The following NOL12 variants were observed in gnomAD, a reference collection of about 807,000 sequenced individuals.
NOL12 encodes nucleolar protein 12.
Under a neutral mutation model 25.2 loss-of-function variants are expected in NOL12, and 21 were observed. The observed-to-expected ratio is 0.83, with a 90% CI of 0.59 to 1.20. The LOEUF is 1.20. Ranked by LOEUF, NOL12 falls within the 50% of genes most tolerant of loss-of-function variation. The pLI is 0.00. For synonymous variants in NOL12, 133 were observed against 113.8 expected (o/e 1.17, Z -1.08); for missense variants, 286 against 287.6 (o/e 0.99, Z 0.04).
Position 37,688,960 on chromosome 22 carries a change from G to T in NOL12, c.349G>T (p.Gly117Trp). 1 of 1,613,478 alleles carries T rather than the reference G, an allele frequency of 6.2e-7. No homozygotes were observed. Among genetic ancestry groups the T allele is most frequent in the Non-Finnish European group, 8.5e-7 (1 of 1,180,016 alleles). The change falls in exon 4 of 6, where the codon GGG becomes TGG. Residue 117 changes from glycine to tryptophan, a missense_variant. By Grantham distance (184) the Gly-to-Trp change is radical. Transcript: ENST00000359114. ...CACCATCAGTGACCTGGACCTCTCGGGGGCCCGGCTGCTCGGGCTGACCCC... is the reference window on the plus strand; with the variant it reads ...CACCATCAGTGACCTGGACCTCTCGTGGGCCCGGCTGCTCGGGCTGACCCC... ...VTTISDLDLS[G>W]ARLLGLTPPE...
chr22:37,686,542 C>A, intron 1 of NOL12, 67 bp downstream of exon 1: 2 of 1,458,742 alleles, frequency 1.4e-6, no homozygotes, highest in Non-Finnish European at 1.8e-6. Context: ...GGTCTGGGGC[C>A]GAGCACGCTC....
chr22:37,686,762 G>C (rs1296541438), intron 1 of NOL12: 2 of 985,332 alleles, frequency 2.0e-6, no homozygotes, highest in African/African-American at 3.5e-5. Flanking sequence ...CCAGTCCATC[G>C]GTCCGGCACA....
In NOL12 at chr22:37,688,357, C is replaced by G; in HGVS notation, c.235C>G (p.Leu79Val). ...LKMLAEREEA[L>V]EEADELDRLV... is the part of the protein sequence containing the mutation. Reference sequence around the variant, plus strand: ...GATGCTGGCAGAGAGAGAAGAGGCTCTGGGTAAGTGGCATGCTTGGCCTGA... The same window carrying G: ...GATGCTGGCAGAGAGAGAAGAGGCTGTGGGTAAGTGGCATGCTTGGCCTGA... Residue 79 changes from leucine (L) to valine (V), a missense_variant, in exon 3 of 6, where the codon CTG (leucine) becomes GTG (valine). By Grantham distance (32) the Leu-to-Val change is conservative. Transcript: ENST00000359114. The G allele has an allele frequency of 6.2e-7, 1 of 1,614,152 alleles. No homozygotes were observed.
At chr22:37,690,902 C>A in intron 5 of NOL12, 108 bp downstream of exon 5, 1 of 806,716 alleles carries the variant, frequency 1.2e-6, no homozygotes, top group South Asian at 1.7e-5. Context: ...CAGCCCTCTG[C>A]CTGTCCAGTG....
intron 4 of NOL12, 45 bp from the exon 5 acceptor site, chr22:37,690,652 C>T: frequency 2.0e-6 from 3 of 1,467,052 alleles, no homozygotes; most frequent in Middle Eastern, 1.7e-4. Context: ...GCCCAGGTCC[C>T]CCCAGCTACT....
In NOL12 at chr22:37,688,471, G is replaced by T. The variant is rs188117029; in HGVS notation, c.238+111G>T. 7.6e-3 allele frequency: 8,730 copies of T among 1,149,384 alleles called. 248 individuals carry two copies. In the Admixed American group the frequency reaches 0.078, roughly 10 times the overall value. The allele number at this position is 1,149,384 out of a possible 1,614,324, so 71.2% of individuals were successfully genotyped here. ...TCCTTGGCCCTAGGGATCTTGGGGG[G>T]TACCCTGGGGCCAGGGGTGGTCCTA... On this transcript the variant is annotated intron_variant, in intron 3 of 5. Transcript: ENST00000359114.
Position 37,692,185 on chromosome 22 carries a change from T to C in NOL12, c.*849T>C. 1 of 226,952 alleles carries C rather than the reference T, an allele frequency of 4.4e-6. No individual in the cohort carries two copies. Among genetic ancestry groups the C allele is most frequent in the Non-Finnish European group, 8.5e-6 (1 of 117,570 alleles). The allele number at this position is 226,952 out of a possible 1,614,324, so 14.1% of individuals were successfully genotyped here. A position where few individuals can be genotyped will look rare whatever the true frequency, so the allele number is the denominator to read the frequency against. ...CAGCCTGGCCAACATGGTGAAACCC[T>C]GTCTCTACTAAAAATGCAAAAATTA... On this transcript the variant is annotated 3_prime_UTR_variant, in exon 6 of 6. Transcript: ENST00000359114.
Position 37,687,973 on chromosome 22 carries a change from T to G in NOL12, c.147T>G (p.Ile49Met). 4 of 1,589,114 alleles carry G rather than the reference T, an allele frequency of 2.5e-6. No individual in the cohort carries two copies. The highest frequency in any genetic ancestry group is 3.4e-6 in the Non-Finnish European group (4 of 1,167,864). The change falls in exon 2 of 6, where the codon ATT becomes ATG. Residue 49 changes from isoleucine (I) to methionine (M), a missense_variant. By Grantham distance (10) the Ile-to-Met change is conservative. Transcript: ENST00000359114. ...VERKKAAIEE[I>M]KQRLKEEQRK... ...GAAAGAAGGCAGCCATTGAGGAGATTAAGCAGCGGCTGAAAGAGGAGCAGA... is the reference window on the plus strand; with the variant it reads ...GAAAGAAGGCAGCCATTGAGGAGATGAAGCAGCGGCTGAAAGAGGAGCAGA...
At position 37,692,035 on chromosome 22, in the gene NOL12, C is replaced by T. The variant is rs1922091499; in HGVS notation, c.*699C>T. The T allele has an allele frequency of 6.5e-6, 1 of 152,900 alleles. No individual in the cohort carries two copies. Among genetic ancestry groups the T allele is most frequent in the African/African-American group, 2.4e-5 (1 of 41,502 alleles). 9.5% of individuals were successfully genotyped at this position (152,900 alleles called of 1,614,324 possible). On this transcript the variant is annotated 3_prime_UTR_variant, in exon 6 of 6. Transcript: ENST00000359114. The stretch of plus-strand genomic sequence containing the variant: ...CTTCCAGCAGCTCCCAGGTGGGTCC[C>T]AACGTGGAAGGATTAATTAATTCTT...
chr22:37,689,037 A>C, intron 4 of NOL12, 45 bp downstream of exon 4: 1 of 1,599,566 alleles, frequency 6.3e-7, no homozygotes, highest in Non-Finnish European at 8.5e-7. Context: ...GTGGGGGCAG[A>C]CCAGCTTGTC....
chr22:37,691,074 G>C, intron 5 of NOL12, 100 bp from the exon 6 acceptor site: 3 of 1,389,360 alleles, frequency 2.2e-6, no homozygotes, highest in Non-Finnish European at 3.0e-6. Context: ...GAACTTGGCG[G>C]TCCTGGCATT....
In NOL12 at chr22:37,692,384, A is replaced by G. The variant is rs1195600130; in HGVS notation, c.*1048A>G. 5.0e-6 allele frequency: 2 copies of G among 397,968 alleles called. No individual in the cohort carries two copies. Among genetic ancestry groups the G allele is most frequent in the African/African-American group, 2.1e-5 (1 of 48,630 alleles). The allele number at this position is 397,968 out of a possible 1,614,324, so 24.7% of individuals were successfully genotyped here. On this transcript the variant is annotated 3_prime_UTR_variant, in exon 6 of 6. Transcript: ENST00000359114. ...AAAAACTAAAAAATAAAGCAGTTGC[A>G]TCTTGACTCGTACAAAAGTAGCCCC... is the stretch of plus-strand genomic sequence containing the variant.
intron 1 of NOL12, chr22:37,687,218 T>A: frequency 1.4e-5 from 6 of 430,536 alleles, no homozygotes; most frequent in African/African-American, 2.2e-5. Flanking sequence ...AGTAATGAGG[T>A]TTGTAGGTGT....
intron 1 of NOL12, among the ~76,000 whole-genome samples, chr22:37,687,272 CCG>C (rs1190428151): frequency 3.5e-5 from 5 of 144,356 alleles, no homozygotes; most frequent in African/African-American, 1.3e-4. Flanking sequence ...CCCCCCCCAC[CCG>C]CCCCACAGCC....
chr22:37,687,783 A>G (rs1364511110), intron 1 of NOL12, 127 bp from the exon 2 acceptor site: 5 of 661,944 alleles, frequency 7.6e-6, no homozygotes, highest in Non-Finnish European at 1.3e-5. Context: ...AAATGAGCTA[A>G]TACTTACACT....
Position 37,688,748 on chromosome 22 carries a change from G to A in NOL12, c.239-102G>A, listed in dbSNP as rs145490929. 1.3e-4 allele frequency: 156 copies of A among 1,220,322 alleles called. 2 individuals are homozygous for A. In the African/African-American group the frequency reaches 1.6e-3, roughly 12 times the overall value. 75.6% of individuals were successfully genotyped at this position (1,220,322 alleles called of 1,614,324 possible). Reference sequence around the variant, plus strand: ...CAGTGACCTTGTGGATGCGCTCCACGTCCACAGAGTAGAGGGGGCACTGCA... The same window carrying A: ...CAGTGACCTTGTGGATGCGCTCCACATCCACAGAGTAGAGGGGGCACTGCA... On this transcript the variant is annotated intron_variant, in intron 3 of 5. Coordinates refer to ENST00000359114, the MANE Select transcript of NOL12 (RefSeq NM_024313.3).
chr22:37,687,235 G>GGTTA (rs1921856823), intron 1 of NOL12: 6 of 337,798 alleles, frequency 1.8e-5, no homozygotes, highest in Non-Finnish European at 2.1e-5. Context: ...GTGTGGAAGG[G>GGTTA]GTTACCTCAT....
Position 37,688,922 on chromosome 22 carries a change from C to T in NOL12, c.311C>T (p.Thr104Ile). Residue 104 changes from threonine (T) to isoleucine (I), a missense_variant, in exon 4 of 6, where the codon ACA (threonine) becomes ATA (isoleucine). Physicochemically the swap from Thr to Ile is moderately conservative, Grantham distance 89. Coordinates refer to ENST00000359114, the MANE Select transcript of NOL12 (RefSeq NM_024313.3). ...ESVQYDHPNH[T>I]VTVTTISDLD... ...GTGCAGTATGACCACCCCAACCACA[C>T]AGTCACCGTGACCACCATCAGTGAC... The T allele has an allele frequency of 1.9e-6, 3 of 1,613,982 alleles. No homozygotes were observed. Among genetic ancestry groups the T allele is most frequent in the Non-Finnish European group, 2.5e-6 (3 of 1,179,972 alleles).
chr22:37,687,213 T>G lies in NOL12; in HGVS notation c.84-697T>G, dbSNP rs921502400. ...CCTGAAAACCCTGTTGAGAGAGTAA[T>G]GAGGTTTGTAGGTGTGGAAGGGGTT... On this transcript the variant is annotated intron_variant, in intron 1 of 5. Coordinates refer to ENST00000359114, the MANE Select transcript of NOL12 (RefSeq NM_024313.3). The G allele has an allele frequency of 2.1e-4, 105 of 498,250 alleles. 1 individual carries two copies. Among genetic ancestry groups the G allele is most frequent in the African/African-American group, 2.1e-3 (100 of 47,788 alleles). 30.9% of individuals were successfully genotyped at this position (498,250 alleles called of 1,614,324 possible). A position where few individuals can be genotyped will look rare whatever the true frequency, so the allele number is the denominator to read the frequency against.
Sources: allele counts gnomAD v4.1 joint callset (sites outside exome capture counted in the v4.1 genomes callset), GRCh38; gene constraint gnomAD v4.1.1; transcripts MANE v1.5; gene names NCBI Gene and HGNC (gene_info 2026-07-23, HGNC 2026-07-21).